The following NRG1 variants were observed in gnomAD, a reference collection of about 807,000 sequenced individuals.
NRG1 encodes the protein neuregulin 1, also known as pro-neuregulin-1, membrane-bound isoform.
Under a neutral mutation model 63.8 loss-of-function variants are expected in NRG1, and 18 were observed. The observed-to-expected ratio is 0.28, with a 90% CI of 0.19 to 0.42. NRG1 has a LOEUF of 0.42. Ranked by LOEUF, NRG1 falls within the 10% of genes least tolerant of loss-of-function variation. The probability of loss-of-function intolerance (pLI) is 1.00; values close to 1 mark genes in which losing one functional copy is unlikely to be tolerated. For synonymous variants in NRG1, 302 were observed against 301.3 expected (o/e 1.00, Z -0.02); for missense variants, 762 against 814.7 (o/e 0.94, Z 0.79).
intron 1 of NRG1, among the ~76,000 whole-genome samples, chr8:31,731,078 T>C (rs529341917): frequency 1.3e-5 from 2 of 152,248 alleles, no homozygotes; most frequent in South Asian, 2.1e-4. Context: ...GGAAATGATA[T>C]GGAGAAGCAC....
chr8:32,448,111 T>G (rs1820501654), intron 1 of NRG1, among the ~76,000 whole-genome samples: 1 of 152,210 alleles, frequency 6.6e-6, no homozygotes, highest in Admixed American at 6.5e-5. Flanking sequence ...CCACTAAATT[T>G]TAACATGAAC....
intron 5 of NRG1, among the ~76,000 whole-genome samples, chr8:32,724,403 C>G (rs766066082): frequency 3.9e-5 from 6 of 152,208 alleles, no homozygotes; most frequent in Non-Finnish European, 8.8e-5. Flanking sequence ...CAACTCCTCC[C>G]AGCCCCCCCA....
intron 1 of NRG1, among the ~76,000 whole-genome samples, chr8:32,269,167 A>G (rs1851295135): frequency 6.6e-6 from 1 of 151,948 alleles, no homozygotes; most frequent in South Asian, 2.1e-4. Flanking sequence ...AAAGACACTG[A>G]GGCATTTTTA....
chr8:32,570,707 G>T (rs184794596), intron 1 of NRG1, among the ~76,000 whole-genome samples: 1,625 of 152,216 alleles, frequency 0.011, 12 homozygotes, highest in Middle Eastern at 0.044. Flanking sequence ...GAAAGTCCTT[G>T]TTATCAACTC....
At chr8:32,235,744 T>A (rs6995770) in intron 1 of NRG1, among the ~76,000 whole-genome samples, 132 of 152,282 alleles carry the variant, frequency 8.7e-4, no homozygotes, top group African/African-American at 3.0e-3. Flanking sequence ...GTTAACACTT[T>A]CAAAAATATT....
intron 1 of NRG1, among the ~76,000 whole-genome samples, chr8:32,034,769 G>A (rs1818779783): frequency 1.3e-5 from 2 of 152,104 alleles, no homozygotes; most frequent in Admixed American, 1.3e-4. Context: ...ATGGTTGTTT[G>A]TATTTCTGTG....
At chr8:32,371,094 C>T (rs1808788304) in intron 1 of NRG1, among the ~76,000 whole-genome samples, 2 of 151,968 alleles carry the variant, frequency 1.3e-5, no homozygotes, top group African/African-American at 4.8e-5. Flanking sequence ...TGCCTGTAAT[C>T]CCAGCTACTC....
In NRG1 at chr8:32,552,665, G is replaced by A. The variant is rs934532119; in HGVS notation, c.100+3839G>A. Among the ~76,000 whole-genome samples, 7 of 152,288 alleles carry A rather than the reference G, an allele frequency of 4.6e-5. No homozygotes were observed. In the East Asian group the frequency reaches 9.7e-4, roughly 21 times the overall value. On this transcript the variant is annotated intron_variant, in intron 1 of 11. Coordinates refer to ENST00000356819, the Ensembl canonical transcript of NRG1. ...CAACCTGGTTACTTGTAACCACCTAGCCTATGTAATTATTAAAAACATTAA... is the reference window on the plus strand; with the variant it reads ...CAACCTGGTTACTTGTAACCACCTAACCTATGTAATTATTAAAAACATTAA...
At chr8:32,341,010 A>G (rs1215517185) in intron 1 of NRG1, among the ~76,000 whole-genome samples, 3 of 152,248 alleles carry the variant, frequency 2.0e-5, no homozygotes, top group Non-Finnish European at 4.4e-5. Flanking sequence ...GCTGAACCCA[A>G]TAACAATACG....
At chr8:31,823,125 T>C (rs1416936041) in intron 1 of NRG1, among the ~76,000 whole-genome samples, 3 of 145,586 alleles carry the variant, frequency 2.1e-5, no homozygotes, top group Non-Finnish European at 3.0e-5. Flanking sequence ...TTCTTTTTTT[T>C]TTTTTTTTTT....
intron 1 of NRG1, among the ~76,000 whole-genome samples, chr8:32,157,358 CAAAAAAAAA>C (rs11434397): frequency 3.2e-4 from 19 of 58,592 alleles, no homozygotes; most frequent in African/African-American, 9.9e-4. Flanking sequence ...GACTCTGTCT[CAAAAAAAAA>C]AAAAAAAAAA....
At chr8:31,825,307 G>T (rs1824434310) in intron 1 of NRG1, among the ~76,000 whole-genome samples, 2 of 151,856 alleles carry the variant, frequency 1.3e-5, no homozygotes, top group Admixed American at 1.3e-4. Flanking sequence ...AGAATGGCAT[G>T]AACCCGGGAG....
intron 1 of NRG1, among the ~76,000 whole-genome samples, chr8:31,706,679 C>T (rs1264271868): frequency 6.6e-6 from 1 of 152,142 alleles, no homozygotes; most frequent in African/African-American, 2.4e-5. Context: ...TGAGATTGTT[C>T]CTTTTTCCTC....
chr8:32,027,681 T>C (rs1384048765), intron 1 of NRG1, among the ~76,000 whole-genome samples: 1 of 152,174 alleles, frequency 6.6e-6, no homozygotes, highest in African/African-American at 2.4e-5. Flanking sequence ...TCTGTTTGTC[T>C]GTAATCTATG....
At chr8:32,349,702 G>A (rs1263636785) in intron 1 of NRG1, among the ~76,000 whole-genome samples, 1 of 152,198 alleles carries the variant, frequency 6.6e-6, no homozygotes, top group Non-Finnish European at 1.5e-5. Context: ...AGGTAGCAAA[G>A]GAATACACAG....
In NRG1 at chr8:32,677,932, A is replaced by C. The variant is rs1312281736; in HGVS notation, c.503-50017A>C. 2.0e-5 allele frequency among the ~76,000 whole-genome samples: 3 copies of C among 152,268 alleles called. No homozygotes were observed. In the East Asian group the frequency reaches 5.8e-4, roughly 29 times the overall value. On this transcript the variant is annotated intron_variant, in intron 5 of 11. Transcript: ENST00000356819. ...TTTCCTATATCAAGTGTACCTAATC[A>C]GGCCTATCATTAAGAAACACAACCT...
chr8:32,107,227 A>G (rs1450528553), intron 1 of NRG1, among the ~76,000 whole-genome samples: 2 of 152,286 alleles, frequency 1.3e-5, no homozygotes, highest in East Asian at 3.9e-4. Context: ...AAAGAAAAAA[A>G]AAAATTCTGA....
chr8:32,557,960 A>G (rs771141717), intron 1 of NRG1, among the ~76,000 whole-genome samples: 7 of 152,296 alleles, frequency 4.6e-5, no homozygotes, highest in Non-Finnish European at 7.4e-5. Flanking sequence ...GGAAGGAGAA[A>G]TGTCAATAGA....
At chr8:32,497,538 G>A (rs2129495827) in intron 1 of NRG1, among the ~76,000 whole-genome samples, 1 of 151,428 alleles carries the variant, frequency 6.6e-6, no homozygotes, top group Middle Eastern at 3.4e-3. Flanking sequence ...TTAACTTACA[G>A]ATTGACATAT....
Sources: allele counts gnomAD v4.1 joint callset (sites outside exome capture counted in the v4.1 genomes callset), GRCh38; gene constraint gnomAD v4.1.1; transcripts MANE v1.5; gene names NCBI Gene and HGNC (gene_info 2026-07-23, HGNC 2026-07-21).